Variants in MICU1 observed in about 807,000 individuals in gnomAD.
The protein encoded by MICU1 is mitochondrial calcium uptake 1.
In MICU1, 45 loss-of-function variants were observed where a neutral mutation model predicts 56.8. That is an observed-to-expected ratio of 0.79 (90% CI 0.62 to 1.02). MICU1 has a LOEUF of 1.02. MICU1 is among the 50% of genes least tolerant of loss of function. The pLI, the probability that MICU1 is intolerant of heterozygous loss-of-function variation, is 0.00. For synonymous variants in MICU1, 186 were observed against 195.1 expected, an observed-to-expected ratio of 0.95 and a Z score of 0.39; for missense variants, 504 against 587.1, an observed-to-expected ratio of 0.86 and a Z score of 1.46.
chr10:72,492,890 G>T (rs898255543), intron 6 of MICU1, among the ~76,000 whole-genome samples: 2 of 151,840 alleles, frequency 1.3e-5, no homozygotes, highest in Admixed American at 6.6e-5. Flanking sequence ...GCCGAGGCGA[G>T]TGGATCACTT....
At chr10:72,618,653 G>C (rs948064334) in intron 1 of MICU1, among the ~76,000 whole-genome samples, 1 of 152,058 alleles carries the variant, frequency 6.6e-6, no homozygotes, top group African/African-American at 2.4e-5. Context: ...AAAAGCACAA[G>C]AAACTTGGTT....
In MICU1 at chr10:72,564,149, A is replaced by C. The variant is rs981548162; in HGVS notation, c.162-1086T>G. The stretch of plus-strand genomic sequence containing the variant: ...TACAGCCATAATGGAGCAAACGATA[A>C]TAGATCTGACTTCCTACCAGGGCAA... On this transcript the variant is annotated intron_variant, in intron 2 of 11. Coordinates refer to ENST00000361114, the MANE Select transcript of MICU1 (RefSeq NM_001195518.2). Among the ~76,000 whole-genome samples the C allele has an allele frequency of 2.6e-5, 4 of 152,232 alleles. No homozygotes were observed. In the East Asian group the frequency reaches 5.8e-4, roughly 22 times the overall value.
rs1030868084 is a variant in MICU1 at position 72,402,382 on chromosome 10, C to T, written c.1180+5547G>A. Among the ~76,000 whole-genome samples, 4 of 152,116 alleles carry T rather than the reference C, an allele frequency of 2.6e-5. No homozygotes were observed. The East Asian group carries it at 7.7e-4, about 29-fold the overall frequency. On this transcript the variant is annotated intron_variant, in intron 10 of 11. Coordinates refer to ENST00000361114, the MANE Select transcript of MICU1 (RefSeq NM_001195518.2). ...TCTGTGATACAAAGAACAATGTATA[C>T]ACAATCAATAGCTTATGTTATTTTA... is the stretch of plus-strand genomic sequence containing the variant.
At position 72,475,311 on chromosome 10, in the gene MICU1, A is replaced by C; in HGVS notation, c.736-14T>G. 1.3e-6 allele frequency: 2 copies of C among 1,574,524 alleles called. No homozygotes were observed. The highest frequency in any genetic ancestry group is 1.7e-6 in the Non-Finnish European group (2 of 1,158,758). Reference sequence around the variant, plus strand: ...GATGCTCTGAACCTAATACAGAATCAAACCCACATCCAGAAAAATATTAGG... The same window carrying C: ...GATGCTCTGAACCTAATACAGAATCCAACCCACATCCAGAAAAATATTAGG... On this transcript the variant is annotated splice_polypyrimidine_tract_variant and intron_variant, in intron 7 of 11. Coordinates refer to ENST00000361114, the MANE Select transcript of MICU1 (RefSeq NM_001195518.2).
intron 6 of MICU1, among the ~76,000 whole-genome samples, chr10:72,490,325 T>C (rs1010088350): frequency 6.6e-6 from 1 of 152,162 alleles, no homozygotes; most frequent in African/African-American, 2.4e-5. Flanking sequence ...ATTCCAAAAC[T>C]TTCCCTTTAG....
chr10:72,615,778 CAGG>C (rs1841963285), intron 1 of MICU1, among the ~76,000 whole-genome samples: 1 of 152,070 alleles, frequency 6.6e-6, no homozygotes, highest in African/African-American at 2.4e-5. Flanking sequence ...ATCACAAGGT[CAGG>C]AGATCGAGAC....
At chr10:72,531,874 T>C (rs185325654) in intron 5 of MICU1, among the ~76,000 whole-genome samples, 1 of 151,560 alleles carries the variant, frequency 6.6e-6, no homozygotes, top group Admixed American at 6.6e-5. Context: ...ATTCATTACA[T>C]AAGGTTTTAT....
At chr10:72,546,097 C>A (rs1214663345) in intron 4 of MICU1, among the ~76,000 whole-genome samples, 1 of 152,186 alleles carries the variant, frequency 6.6e-6, no homozygotes, top group Non-Finnish European at 1.5e-5. Flanking sequence ...GGGGTCCATT[C>A]AATCACCTGC....
At chr10:72,583,073 G>A (rs1840946735) in intron 1 of MICU1, 1 of 151,098 alleles carries the variant, frequency 6.6e-6, no homozygotes, top group Non-Finnish European at 1.5e-5. Flanking sequence ...GCAATGTAGC[G>A]AGACCCTGCC....
intron 4 of MICU1, among the ~76,000 whole-genome samples, chr10:72,550,127 T>C (rs1839998070): frequency 6.6e-6 from 1 of 152,148 alleles, no homozygotes. Context: ...ACTATTTTAT[T>C]TTTAAAATAA....
intron 10 of MICU1, among the ~76,000 whole-genome samples, chr10:72,378,110 G>A (rs891623681): frequency 2.0e-5 from 3 of 152,018 alleles, no homozygotes; most frequent in Non-Finnish European, 4.4e-5. Context: ...AAAATTAGCT[G>A]GGCGTGGTGG....
At chr10:72,437,237 A>G (rs1202325684) in intron 8 of MICU1, among the ~76,000 whole-genome samples, 1 of 152,214 alleles carries the variant, frequency 6.6e-6, no homozygotes, top group African/African-American at 2.4e-5. Flanking sequence ...AGTGGGGGCC[A>G]ATATTCAACA....
At chr10:72,412,917 C>T (rs1863869471) in intron 9 of MICU1, among the ~76,000 whole-genome samples, 1 of 149,544 alleles carries the variant, frequency 6.7e-6, no homozygotes, top group South Asian at 2.1e-4. Flanking sequence ...AGGCTGAGCA[C>T]AGTGCACAGT....
intron 4 of MICU1, among the ~76,000 whole-genome samples, chr10:72,534,261 C>T (rs185180275): frequency 1.8e-3 from 265 of 150,028 alleles, no homozygotes; most frequent in African/African-American, 6.0e-3. Flanking sequence ...CTTAACATTA[C>T]CTTTTAAAAT....
At chr10:72,617,280 C>A (rs1035698343) in intron 1 of MICU1, among the ~76,000 whole-genome samples, 3 of 150,842 alleles carry the variant, frequency 2.0e-5, no homozygotes, top group Non-Finnish European at 1.5e-5. Context: ...GTCAGTTGTA[C>A]TCAACAAATT....
At position 72,504,309 on chromosome 10, in the gene MICU1, C is replaced by T. The variant is rs184153463; in HGVS notation, c.652+3846G>A. 2.1e-3 allele frequency among the ~76,000 whole-genome samples: 320 copies of T among 152,098 alleles called. 10 individuals are homozygous for T. The highest frequency in any genetic ancestry group is 0.021 in the Admixed American group (315 of 15,268). On this transcript the variant is annotated intron_variant, in intron 6 of 11. Transcript: ENST00000361114. ...GACCAATGGAATAGAACAGAAAACC[C>T]GGAAATAAAGCTGTACACTTACAAC...
At chr10:72,488,077 T>A (rs995979127) in intron 6 of MICU1, among the ~76,000 whole-genome samples, 9 of 151,396 alleles carry the variant, frequency 5.9e-5, no homozygotes, top group African/African-American at 2.2e-4. Flanking sequence ...ATGCCTGTAA[T>A]CCCAGCTACT....
At chr10:72,551,478 C>T in intron 3 of MICU1, 137 bp from the exon 4 acceptor site, 1 of 585,356 alleles carries the variant, frequency 1.7e-6, no homozygotes, top group Non-Finnish European at 2.6e-6. Context: ...TTTTTCTATA[C>T]TTAGTTTTTT....
intron 3 of MICU1, 25 bp downstream of exon 3, chr10:72,562,870 C>A: frequency 6.6e-7 from 1 of 1,523,224 alleles, no homozygotes; most frequent in South Asian, 1.4e-5. Flanking sequence ...TACTTCTGAT[C>A]AACTTATAAG....
Sources: gnomAD v4.1 joint callset for allele counts (sites outside exome capture counted in the v4.1 genomes callset) on GRCh38, gnomAD v4.1.1 for gene constraint, MANE v1.5 for transcripts, NCBI Gene and HGNC (gene_info 2026-07-23, HGNC 2026-07-21) for gene names.